LRMDA: variants seen among roughly 807,000 people sequenced by gnomAD.
The protein encoded by LRMDA is leucine rich melanocyte differentiation associated, also known as leucine-rich melanocyte differentiation-associated protein.
Under a neutral mutation model 29.8 loss-of-function variants are expected in LRMDA, and 18 were observed. The observed-to-expected ratio is 0.60, with a 90% CI of 0.42 to 0.90. LRMDA has a LOEUF of 0.90. Ranked by LOEUF, LRMDA falls within the 40% of genes least tolerant of loss-of-function variation. The pLI is 0.00. For synonymous variants in LRMDA, 125 were observed against 109.4 expected (o/e 1.14, Z -0.89); for missense variants, 273 against 273.9 (o/e 1.00, Z 0.02).
chr10:75,488,711 T>C (rs1005894129), intron 2 of LRMDA, among the ~76,000 whole-genome samples: 1 of 152,154 alleles, frequency 6.6e-6, no homozygotes, highest in African/African-American at 2.4e-5. Context: ...TATGCTGCTC[T>C]TCAAAGGTCT....
chr10:76,476,382 A>C (rs541591454), intron 6 of LRMDA, among the ~76,000 whole-genome samples: 1 of 152,172 alleles, frequency 6.6e-6, no homozygotes, highest in Non-Finnish European at 1.5e-5. Flanking sequence ...GACCAAAAAC[A>C]GGCTCTGAAA....
At chr10:76,321,449 A>G (rs895378269) in intron 5 of LRMDA, among the ~76,000 whole-genome samples, 3 of 151,766 alleles carry the variant, frequency 2.0e-5, no homozygotes, top group Non-Finnish European at 4.4e-5. Context: ...AACTTCTCTT[A>G]TGTTTATTGA....
At chr10:75,464,025 C>A (rs1844623005) in intron 2 of LRMDA, among the ~76,000 whole-genome samples, 2 of 152,198 alleles carry the variant, frequency 1.3e-5, no homozygotes, top group African/African-American at 4.8e-5. Context: ...TGGTCTCGAA[C>A]TCTTGACCTC....
intron 2 of LRMDA, among the ~76,000 whole-genome samples, chr10:75,606,146 C>T (rs1003551921): frequency 1.9e-4 from 29 of 152,288 alleles, no homozygotes; most frequent in African/African-American, 6.0e-4. Flanking sequence ...GCATGAGCCA[C>T]TGCGCCTGGC....
At chr10:76,436,086 G>T (rs184338689) in intron 6 of LRMDA, among the ~76,000 whole-genome samples, 105 of 152,294 alleles carry the variant, frequency 6.9e-4, no homozygotes, top group African/African-American at 2.5e-3. Context: ...TCTGTATGCT[G>T]AGAGGAGCCA....
At chr10:75,928,184 G>A (rs376607785) in intron 2 of LRMDA, among the ~76,000 whole-genome samples, 33 of 152,184 alleles carry the variant, frequency 2.2e-4, no homozygotes, top group Admixed American at 1.5e-3. Flanking sequence ...GAATTCACGC[G>A]GCAGGGAGCT....
rs181084612 is a variant in LRMDA at position 75,881,490 on chromosome 10, C to T, written c.132-154518C>T. ...CTACTCCCTTTGCAAATCTCTCCCC[C>T]CCACTACCCCTACTTTTCTGCATGG... On this transcript the variant is annotated intron_variant, in intron 2 of 6. Transcript: ENST00000611255. 3.3e-5 allele frequency among the ~76,000 whole-genome samples: 5 copies of T among 152,286 alleles called. No individual in the cohort carries two copies. The South Asian group carries it at 8.3e-4, about 25-fold the overall frequency.
At chr10:75,520,901 TC>T (rs1845349105) in intron 2 of LRMDA, among the ~76,000 whole-genome samples, 1 of 152,198 alleles carries the variant, frequency 6.6e-6, no homozygotes, top group African/African-American at 2.4e-5. Context: ...TTGATGCTAT[TC>T]CCCTTTCTGT....
At chr10:76,273,021 A>G (rs1455561548) in intron 5 of LRMDA, among the ~76,000 whole-genome samples, 1 of 152,160 alleles carries the variant, frequency 6.6e-6, no homozygotes, top group Non-Finnish European at 1.5e-5. Flanking sequence ...GAGCCAAACC[A>G]TATCAAGGAC....
At chr10:75,745,224 C>G (rs566516365) in intron 2 of LRMDA, among the ~76,000 whole-genome samples, 1 of 152,216 alleles carries the variant, frequency 6.6e-6, no homozygotes, top group South Asian at 2.1e-4. Context: ...TTTAATACCC[C>G]CATGTTACTC....
At chr10:76,392,675 A>G (rs1405254469) in intron 6 of LRMDA, among the ~76,000 whole-genome samples, 1 of 151,594 alleles carries the variant, frequency 6.6e-6, no homozygotes, top group East Asian at 1.9e-4. Flanking sequence ...CACATAGTTT[A>G]TTATTTTTTT....
chr10:75,583,756 C>T (rs1002397684), intron 2 of LRMDA, among the ~76,000 whole-genome samples: 3 of 152,104 alleles, frequency 2.0e-5, no homozygotes, highest in African/African-American at 7.2e-5. Context: ...TTCTCTTTCT[C>T]CTTCCCCAGT....
At position 75,783,682 on chromosome 10, in the gene LRMDA, A is replaced by G. The variant is rs543488062; in HGVS notation, c.132-252326A>G. The stretch of plus-strand genomic sequence containing the variant: ...TTTTTGAGTCTGTTTCTTTGTCTCT[A>G]AAAATGGGATTTCATTAGTTACCTT... On this transcript the variant is annotated intron_variant, in intron 2 of 6. Transcript: ENST00000611255. Among the ~76,000 whole-genome samples the G allele has an allele frequency of 5.9e-5, 9 of 152,244 alleles. 1 individual carries two copies. In the South Asian group the frequency reaches 1.7e-3, roughly 28 times the overall value.
intron 2 of LRMDA, among the ~76,000 whole-genome samples, chr10:75,487,624 C>T (rs1844930727): frequency 1.3e-5 from 2 of 152,120 alleles, no homozygotes; most frequent in Admixed American, 6.5e-5. Flanking sequence ...AGCTAGGACC[C>T]AGCGTTCTGG....
intron 5 of LRMDA, among the ~76,000 whole-genome samples, chr10:76,062,050 A>G (rs998111784): frequency 2.6e-5 from 4 of 152,198 alleles, no homozygotes; most frequent in African/African-American, 4.8e-5. Context: ...ATATATACAT[A>G]TGCATGTTCT....
chr10:76,068,301 G>A (rs1848818749), intron 5 of LRMDA, among the ~76,000 whole-genome samples: 1 of 152,200 alleles, frequency 6.6e-6, no homozygotes, highest in Admixed American at 6.5e-5. Flanking sequence ...TGATCTTTTT[G>A]TTGTTCCCAA....
intron 2 of LRMDA, among the ~76,000 whole-genome samples, chr10:75,678,930 A>G (rs1841992646): frequency 6.6e-6 from 1 of 152,170 alleles, no homozygotes; most frequent in Admixed American, 6.5e-5. Context: ...AACGGGCAGG[A>G]CAATGGTATT....
At chr10:76,554,768 T>G (rs1843534049) in intron 6 of LRMDA, among the ~76,000 whole-genome samples, 1 of 149,874 alleles carries the variant, frequency 6.7e-6, no homozygotes, top group Admixed American at 6.7e-5. Flanking sequence ...GTAAGTGAGA[T>G]CTGGAGTCGA....
intron 2 of LRMDA, among the ~76,000 whole-genome samples, chr10:75,497,089 T>A (rs1200353224): frequency 2.0e-5 from 3 of 151,314 alleles, no homozygotes; most frequent in African/African-American, 7.3e-5. Flanking sequence ...ACTGGGAGAG[T>A]TGGCCACACC....
Sources: gnomAD v4.1 joint callset for allele counts (sites outside exome capture counted in the v4.1 genomes callset) on GRCh38, gnomAD v4.1.1 for gene constraint, MANE v1.5 for transcripts, NCBI Gene and HGNC (gene_info 2026-07-23, HGNC 2026-07-21) for gene names.